The following RHCG variants were observed in gnomAD, a reference collection of about 807,000 sequenced individuals.
RHCG encodes Rh family C glycoprotein.
A neutral mutation model predicts 55.3 loss-of-function variants in RHCG; 39 were observed. That is an observed-to-expected ratio of 0.70 (90% CI 0.55 to 0.92). The LOEUF (loss-of-function observed/expected upper bound fraction) is 0.92, where lower values mean the gene tolerates loss of function less well. RHCG is among the 40% of genes least tolerant of loss of function. RHCG has a pLI of 0.00. For missense variants in RHCG, 635 were observed against 627.9 expected, an observed-to-expected ratio of 1.01 and a Z score of -0.12; for synonymous variants, 250 against 246.8, an observed-to-expected ratio of 1.01 and a Z score of -0.12.
chr15:89,478,323 G>A (rs1303282468), intron 5 of RHCG, among the ~76,000 whole-genome samples: 1 of 152,178 alleles, frequency 6.6e-6, no homozygotes, highest in East Asian at 1.9e-4. Context: ...GAACGTTCTT[G>A]CCATGGATGC....
intron 5 of RHCG, among the ~76,000 whole-genome samples, chr15:89,478,311 C>T (rs1344111341): frequency 6.6e-6 from 1 of 152,226 alleles, no homozygotes; most frequent in Admixed American, 6.5e-5. Flanking sequence ...ACTAGCATGT[C>T]TGAACGTTCT....
chr15:89,473,507 G>A (rs755901200), intron 9 of RHCG, among the ~76,000 whole-genome samples: 15 of 152,148 alleles, frequency 9.9e-5, no homozygotes, highest in African/African-American at 1.4e-4. Context: ...ACAGAATTTT[G>A]TTATTCCCAA....
chr15:89,492,256 C>G (rs866817657), intron 1 of RHCG, among the ~76,000 whole-genome samples: 1 of 152,316 alleles, frequency 6.6e-6, no homozygotes, highest in Middle Eastern at 3.4e-3. Context: ...CAGCCCCGTT[C>G]TAGCTCCTGC....
intron 1 of RHCG, among the ~76,000 whole-genome samples, chr15:89,489,268 C>T (rs985468865): frequency 6.6e-6 from 1 of 152,084 alleles, no homozygotes; most frequent in East Asian, 1.9e-4. Context: ...AGGCATGTGC[C>T]ACCACACCCA....
intron 1 of RHCG, among the ~76,000 whole-genome samples, chr15:89,494,346 G>C (rs1011363904): frequency 6.6e-6 from 1 of 152,156 alleles, no homozygotes; most frequent in Admixed American, 6.5e-5. Context: ...TATCCAGAGT[G>C]ACCATAGCCC....
Position 89,477,168 on chromosome 15 carries a change from T to A in RHCG, c.1151A>T (p.Asp384Val), listed in dbSNP as rs1224164814. Residue 384 changes from aspartate (D) to valine (V), a missense_variant, in exon 8 of 11, where the codon GAC (aspartate) becomes GTC (valine). Transcript: ENST00000268122. This position sits in a 1 kb window ranked among gnomAD's most constrained non-coding sequence, Gnocchi z 4.5. Reference sequence around the variant, plus strand: ...CTTTCCCTGTGTTCTTGCGGTCCAGTCCCCGTTGAAACCTTGAAAGTCAAA... The same window carrying A: ...CTTTCCCTGTGTTCTTGCGGTCCAGACCCCGTTGAAACCTTGAAAGTCAAA... Reference protein sequence around the residue: ...HSFDFQGFNGDWTARTQGKFQ... With the variant: ...HSFDFQGFNGVWTARTQGKFQ... The A allele has an allele frequency of 2.5e-6, 4 of 1,613,640 alleles. No individual in the cohort carries two copies. Among genetic ancestry groups the A allele is most frequent in the Non-Finnish European group, 3.4e-6 (4 of 1,179,962 alleles).
chr15:89,473,442 C>T (rs563324780), intron 9 of RHCG, among the ~76,000 whole-genome samples: 14 of 152,260 alleles, frequency 9.2e-5, no homozygotes, highest in African/African-American at 3.4e-4. Flanking sequence ...ACCTCACTCC[C>T]AAGGTAAACC....
chr15:89,491,970 T>C (rs956109159), intron 1 of RHCG, among the ~76,000 whole-genome samples: 1 of 152,172 alleles, frequency 6.6e-6, no homozygotes, highest in Non-Finnish European at 1.5e-5. Context: ...CAAAGCCCTA[T>C]GCGAAGGCAG....
chr15:89,494,535 G>C (rs1010979252), intron 1 of RHCG, among the ~76,000 whole-genome samples: 1 of 152,100 alleles, frequency 6.6e-6, no homozygotes, highest in African/African-American at 2.4e-5. Flanking sequence ...AGTGTGGTGC[G>C]AGGAGGATAA....
chr15:89,472,330 C>T (rs965251945), intron 10 of RHCG, among the ~76,000 whole-genome samples: 1 of 152,128 alleles, frequency 6.6e-6, no homozygotes. Context: ...CTGAGCTGAG[C>T]AACTGAATAC....
intron 2 of RHCG, 94 bp from the exon 3 acceptor site, chr15:89,483,311 G>T: frequency 8.3e-7 from 1 of 1,201,398 alleles, no homozygotes; most frequent in Non-Finnish European, 1.1e-6. Context: ...TTGGGCTTGT[G>T]GCTTAACCTT....
chr15:89,479,634 C>T, intron 4 of RHCG, 146 bp from the exon 5 acceptor site: 1 of 734,770 alleles, frequency 1.4e-6, no homozygotes, highest in Non-Finnish European at 2.2e-6. Context: ...CATGCAGGGG[C>T]TCTTCCTGGA....
intron 2 of RHCG, among the ~76,000 whole-genome samples, chr15:89,485,626 A>G (rs567333997): frequency 4.4e-4 from 67 of 152,252 alleles, no homozygotes; most frequent in African/African-American, 1.4e-3. Flanking sequence ...GTTCATTTTC[A>G]CACACCAATG....
chr15:89,482,188 C>T (rs2141894206), intron 3 of RHCG, among the ~76,000 whole-genome samples: 1 of 152,336 alleles, frequency 6.6e-6, no homozygotes, highest in South Asian at 2.1e-4. Flanking sequence ...CCGCCTGTCT[C>T]AGCCTCTCAA....
At chr15:89,487,460 T>C (rs1961396707) in intron 1 of RHCG, among the ~76,000 whole-genome samples, 1 of 152,218 alleles carries the variant, frequency 6.6e-6, no homozygotes, top group Admixed American at 6.5e-5. Flanking sequence ...TCTGAGGCTA[T>C]GATGCCCTGC....
At chr15:89,488,886 T>C (rs1961422423) in intron 1 of RHCG, among the ~76,000 whole-genome samples, 1 of 152,020 alleles carries the variant, frequency 6.6e-6, no homozygotes, top group Non-Finnish European at 1.5e-5. Context: ...ATTGCATTAA[T>C]GGAAATTTAT....
At chr15:89,482,536 C>G (rs1157505146) in intron 3 of RHCG, among the ~76,000 whole-genome samples, 1 of 152,174 alleles carries the variant, frequency 6.6e-6, no homozygotes, top group Non-Finnish European at 1.5e-5. Context: ...AAGGAGGCTT[C>G]TGAGATAGAG....
rs1244387690 is a variant in RHCG at position 89,471,550 on chromosome 15, G to C, written c.*330C>G. 1 of 152,498 alleles carries C rather than the reference G, an allele frequency of 6.6e-6. No homozygotes were observed. The highest frequency in any genetic ancestry group is 1.5e-5 in the Non-Finnish European group (1 of 68,180). 9.4% of individuals were successfully genotyped at this position (152,498 alleles called of 1,614,324 possible). ...AGAGCCTCATAGGTGGTGACTGGCA[G>C]CTAAGTTGTCTCCTGGGAGAGCTCA... is the stretch of plus-strand genomic sequence containing the variant. On this transcript the variant is annotated 3_prime_UTR_variant, in exon 11 of 11. Transcript: ENST00000268122.
intron 2 of RHCG, among the ~76,000 whole-genome samples, chr15:89,485,217 T>C (rs1335737378): frequency 6.6e-6 from 1 of 152,250 alleles, no homozygotes; most frequent in Admixed American, 6.5e-5. Context: ...AAAAAATTCA[T>C]TTAGCCATAG....
Sources: allele counts gnomAD v4.1 joint callset (sites outside exome capture counted in the v4.1 genomes callset), GRCh38; gene constraint gnomAD v4.1.1; non-coding constraint Gnocchi (gnomAD v3.1); transcripts MANE v1.5; gene names NCBI Gene and HGNC (gene_info 2026-07-23, HGNC 2026-07-21).